Variants in USP34 observed in about 807,000 individuals in gnomAD.
USP34 encodes ubiquitin specific peptidase 34.
USP34 carries 70 observed loss-of-function variants against 460.3 expected under a neutral mutation model. That is an observed-to-expected ratio of 0.15 (90% confidence interval 0.13 to 0.19). USP34 has a LOEUF of 0.19. USP34 is among the 10% of genes least tolerant of loss of function. USP34 has a pLI of 1.00. For missense variants in USP34, 3,985 were observed against 4,236.2 expected (o/e 0.94, Z 1.65); for synonymous variants, 1,647 against 1,405.3 (o/e 1.17, Z -3.85).
chr2:61,298,364 C>CAA (rs11417017), intron 29 of USP34, among the ~76,000 whole-genome samples: 3,100 of 48,010 alleles, frequency 0.065, 200 homozygotes, highest in South Asian at 0.076. Flanking sequence ...TACAAAAATA[C>CAA]AAAAAAAAAA....
chr2:61,311,614 A>G lies in USP34; in HGVS notation c.3743T>C (p.Leu1248Ser). The G allele has an allele frequency of 6.2e-7, 1 of 1,613,690 alleles. No individual in the cohort carries two copies. The highest frequency in any genetic ancestry group is 8.5e-7 in the Non-Finnish European group (1 of 1,179,856). The change falls in exon 27 of 80, where the codon TTA becomes TCA. Residue 1248 changes from leucine (L) to serine (S), a missense_variant. Coordinates refer to ENST00000398571, the MANE Select transcript of USP34 (RefSeq NM_014709.4). ...RAEVTHWYENLQKEQINQQAQ... is the reference protein window; with the variant it reads ...RAEVTHWYENSQKEQINQQAQ... The stretch of plus-strand genomic sequence containing the variant: ...TTGTTGATTTATTTGTTCTTTCTGT[A>G]AATTTTCATACCAATGAGTTACTTC...
At chr2:61,378,783 A>G (rs1256248972) in intron 7 of USP34, among the ~76,000 whole-genome samples, 2 of 151,778 alleles carry the variant, frequency 1.3e-5, no homozygotes, top group Non-Finnish European at 2.9e-5. Context: ...GCATGCGCCT[A>G]AAACGCGAGC....
chr2:61,188,981 C>T lies in USP34; in HGVS notation c.9962G>A (p.Ser3321Asn), dbSNP rs1034505218. Reference protein sequence around the residue: ...ALIPTLQELLSKCRTCLQQRN... With the variant: ...ALIPTLQELLNKCRTCLQQRN... ...CTGTTGCAGACAAGTCCTGCATTTGCTTAAAAGCTCTTGCAGAGTTGGAAT... is the reference window on the plus strand; with the variant it reads ...CTGTTGCAGACAAGTCCTGCATTTGTTTAAAAGCTCTTGCAGAGTTGGAAT... The change falls in exon 79 of 80, where the codon AGC (serine) becomes AAC (asparagine). Residue 3321 changes from serine (S) to asparagine (N), a missense_variant. This residue lies in a region of USP34 where 506 missense variants were observed against 439.0 expected (regional missense o/e 1.15). Coordinates refer to ENST00000398571, the MANE Select transcript of USP34 (RefSeq NM_014709.4). The T allele has an allele frequency of 6.2e-7, 1 of 1,614,030 alleles. No individual in the cohort carries two copies. The highest frequency in any genetic ancestry group is 1.3e-5 in the African/African-American group (1 of 74,904).
chr2:61,340,351 A>C (rs868129976), intron 16 of USP34, among the ~76,000 whole-genome samples: 1 of 152,214 alleles, frequency 6.6e-6, no homozygotes, highest in Admixed American at 6.5e-5. Context: ...CGCTATTATT[A>C]ACAAAACTAC....
chr2:61,272,055 T>A (rs901733555), intron 41 of USP34, among the ~76,000 whole-genome samples: 11 of 152,218 alleles, frequency 7.2e-5, no homozygotes, highest in Non-Finnish European at 1.5e-4. Context: ...CTGACATTTC[T>A]GAGTTTTTCT....
chr2:61,253,017 G>A (rs1688628516), intron 48 of USP34, among the ~76,000 whole-genome samples: 1 of 152,146 alleles, frequency 6.6e-6, no homozygotes, highest in Non-Finnish European at 1.5e-5. Flanking sequence ...TTGGTATTAT[G>A]GTGATTGATA....
Position 61,266,127 on chromosome 2 carries a change from G to C in USP34, c.5474C>G (p.Pro1825Arg). The C allele has an allele frequency of 6.2e-7, 1 of 1,612,416 alleles. No individual in the cohort carries two copies. The highest frequency in any genetic ancestry group is 8.5e-7 in the Non-Finnish European group (1 of 1,178,966). ...RDIFNLLFLL[P>R]SLKDRQQPKC... is the part of the protein sequence containing the mutation. ...TGGCTGTTGTCGGTCCTTTAGACTT[G>C]GCAACAAAAACAGGAGATTGAAGAT... The change falls in exon 42 of 80, where the codon CCA (proline) becomes CGA (arginine). Residue 1825 changes from proline to arginine, a missense_variant. Transcript: ENST00000398571.
chr2:61,256,581 T>A (rs572855349), intron 47 of USP34, 103 bp from the exon 48 acceptor site: 114 of 848,528 alleles, frequency 1.3e-4, no homozygotes, highest in South Asian at 4.3e-4. Context: ...AGCAAAAAAA[T>A]TTTTTTTTTA....
At chr2:61,233,255 C>G (rs568400991) in intron 57 of USP34, among the ~76,000 whole-genome samples, 1 of 151,944 alleles carries the variant, frequency 6.6e-6, no homozygotes, top group Non-Finnish European at 1.5e-5. Context: ...CTGGATCTAT[C>G]GAACAGCCAT....
chr2:61,419,826 G>C (rs564067506), intron 2 of USP34, among the ~76,000 whole-genome samples: 1 of 152,178 alleles, frequency 6.6e-6, no homozygotes, highest in African/African-American at 2.4e-5. Flanking sequence ...TATTCATCTA[G>C]TCCATCCCTA....
At chr2:61,384,277 AAC>A (rs1300630346) in intron 5 of USP34, among the ~76,000 whole-genome samples, 4 of 152,224 alleles carry the variant, frequency 2.6e-5, no homozygotes, top group African/African-American at 4.8e-5. Flanking sequence ...TACATTATAT[AAC>A]AGTTTTATTT....
chr2:61,280,029 A>T (rs1035772422), intron 39 of USP34, among the ~76,000 whole-genome samples: 1 of 152,198 alleles, frequency 6.6e-6, no homozygotes, highest in African/African-American at 2.4e-5. Flanking sequence ...TTATGGATAG[A>T]TACCAGATGA....
intron 57 of USP34, 106 bp from the exon 58 acceptor site, chr2:61,232,638 A>C (rs1406444216): frequency 2.1e-6 from 2 of 944,222 alleles, no homozygotes; most frequent in African/African-American, 3.3e-5. Context: ...TAATTCTTTT[A>C]AGTTCTTACC....
chr2:61,348,555 G>A, intron 14 of USP34, 75 bp from the exon 15 acceptor site: 1 of 1,517,922 alleles, frequency 6.6e-7, no homozygotes, highest in Non-Finnish European at 8.8e-7. Flanking sequence ...TTAATAAACT[G>A]TACTTTTTAA....
At chr2:61,233,008 C>T (rs901874057) in intron 57 of USP34, among the ~76,000 whole-genome samples, 1 of 151,618 alleles carries the variant, frequency 6.6e-6, no homozygotes, top group Admixed American at 6.6e-5. Context: ...TACAGGCACG[C>T]ACCACAATCC....
intron 5 of USP34, among the ~76,000 whole-genome samples, chr2:61,392,359 C>T (rs1693375252): frequency 6.6e-6 from 1 of 152,132 alleles, no homozygotes; most frequent in African/African-American, 2.4e-5. Context: ...CTCAAGCCTG[C>T]AAGCCTGTAA....
intron 15 of USP34, 68 bp from the exon 16 acceptor site, chr2:61,344,097 A>G (rs147658781): frequency 6.9e-7 from 1 of 1,453,446 alleles, no homozygotes; most frequent in East Asian, 2.3e-5. Flanking sequence ...ACCACAAAAA[A>G]TACCTCTCTT....
chr2:61,403,270 T>C (rs1239660638), intron 3 of USP34, among the ~76,000 whole-genome samples: 1 of 152,118 alleles, frequency 6.6e-6, no homozygotes, highest in Non-Finnish European at 1.5e-5. Context: ...ATTACCATTT[T>C]TGAAAACAGG....
intron 7 of USP34, among the ~76,000 whole-genome samples, chr2:61,378,913 GAAAAAAAAA>G (rs34463913): frequency 3.5e-5 from 2 of 57,872 alleles, no homozygotes; most frequent in Non-Finnish European, 5.7e-5. Context: ...TCAAAAAAAC[GAAAAAAAAA>G]AAAAAAAAAA....
Sources: allele counts gnomAD v4.1 joint callset (sites outside exome capture counted in the v4.1 genomes callset), GRCh38; gene constraint gnomAD v4.1.1; regional missense constraint gnomAD v4.1.1; transcripts MANE v1.5; gene names NCBI Gene and HGNC (gene_info 2026-07-23, HGNC 2026-07-21).